The following SVEP1 variants were observed in gnomAD, a reference collection of about 807,000 sequenced individuals.
SVEP1 encodes the protein sushi, von Willebrand factor type A, EGF and pentraxin domain containing 1.
In SVEP1, 164 loss-of-function variants were observed where a neutral mutation model predicts 367.3. The observed-to-expected ratio is 0.45, with a 90% CI of 0.39 to 0.51. SVEP1 has a LOEUF of 0.51. Among genes scored for constraint, SVEP1 ranks in the 20% least tolerant of loss-of-function variants. The pLI, the probability that SVEP1 is intolerant of heterozygous loss-of-function variation, is 0.00. For synonymous variants in SVEP1, 1,666 were observed against 1,611.6 expected (o/e 1.03, Z -0.81); for missense variants, 4,117 against 4,425.3 (o/e 0.93, Z 1.98).
intron 18 of SVEP1, among the ~76,000 whole-genome samples, chr9:110,465,607 T>C (rs1012951692): frequency 6.6e-6 from 1 of 152,224 alleles, no homozygotes; most frequent in African/African-American, 2.4e-5. Flanking sequence ...TGTTTATTAC[T>C]GTATGAGGCC....
intron 3 of SVEP1, among the ~76,000 whole-genome samples, chr9:110,533,100 C>G (rs193167438): frequency 1.5e-3 from 235 of 152,212 alleles, no homozygotes; most frequent in African/African-American, 5.4e-3. Flanking sequence ...TGCCGCTGAT[C>G]TGACAGGAGG....
chr9:110,385,144 C>CTAATTTTTGTATT (rs1263564651), intron 43 of SVEP1, among the ~76,000 whole-genome samples: 2 of 152,268 alleles, frequency 1.3e-5, no homozygotes, highest in East Asian at 3.9e-4. Context: ...CCACACCCAG[C>CTAATTTTTGTATT]TAATTTTTGT....
chr9:110,376,294 C>A (rs58798972), intron 45 of SVEP1, among the ~76,000 whole-genome samples: 5 of 148,242 alleles, frequency 3.4e-5, no homozygotes, highest in African/African-American at 1.2e-4. Context: ...GGCAGCCAAG[C>A]CAGACCTGTC....
At chr9:110,538,107 G>T (rs1393898076) in intron 3 of SVEP1, among the ~76,000 whole-genome samples, 1 of 151,900 alleles carries the variant, frequency 6.6e-6, no homozygotes, top group Admixed American at 6.6e-5. Flanking sequence ...GGGGGTTTGT[G>T]ATGCTTCACA....
chr9:110,454,853 C>T (rs910124010), intron 22 of SVEP1, among the ~76,000 whole-genome samples: 1 of 152,148 alleles, frequency 6.6e-6, no homozygotes, highest in Non-Finnish European at 1.5e-5. Context: ...ATATTAGGTA[C>T]TATTCTCACT....
At chr9:110,411,806 AT>A in intron 36 of SVEP1, 71 bp from the exon 37 acceptor site, 1 of 1,346,124 alleles carries the variant, frequency 7.4e-7, no homozygotes, top group Non-Finnish European at 9.9e-7. Context: ...GTCTTCTTCT[AT>A]TTTTTAAATC....
chr9:110,573,766 C>T (rs1830593070), intron 1 of SVEP1, among the ~76,000 whole-genome samples: 1 of 152,042 alleles, frequency 6.6e-6, no homozygotes, highest in African/African-American at 2.4e-5. Context: ...GGAAGAAAAA[C>T]CAAGAAAAAG....
At chr9:110,385,353 G>T (rs2118960863) in intron 43 of SVEP1, among the ~76,000 whole-genome samples, 1 of 152,332 alleles carries the variant, frequency 6.6e-6, no homozygotes, top group Middle Eastern at 3.4e-3. Context: ...GGCTGAAAAA[G>T]ATGCCTCCAG....
chr9:110,500,325 C>A (rs1169451114), intron 6 of SVEP1, among the ~76,000 whole-genome samples: 2 of 152,130 alleles, frequency 1.3e-5, no homozygotes, highest in African/African-American at 4.8e-5. Flanking sequence ...GACTCAGTAT[C>A]CTTTATTTAC....
intron 36 of SVEP1, among the ~76,000 whole-genome samples, chr9:110,413,033 A>C (rs1417199028): frequency 2.6e-5 from 4 of 151,516 alleles, no homozygotes; most frequent in African/African-American, 9.7e-5. Flanking sequence ...CAGCAATCCC[A>C]TTACTGGGTA....
intron 47 of SVEP1, among the ~76,000 whole-genome samples, chr9:110,368,031 T>C (rs1052784909): frequency 7.2e-5 from 11 of 152,084 alleles, no homozygotes; most frequent in Non-Finnish European, 7.4e-5. Flanking sequence ...TAAGCCGAGA[T>C]TGCACACTGC....
chr9:110,461,625 C>T (rs1327380360), intron 18 of SVEP1, among the ~76,000 whole-genome samples: 2 of 151,810 alleles, frequency 1.3e-5, no homozygotes, highest in Admixed American at 6.6e-5. Context: ...GTGATAATCT[C>T]AAGACATGTA....
intron 40 of SVEP1, among the ~76,000 whole-genome samples, chr9:110,396,394 T>C (rs370439815): frequency 6.6e-5 from 10 of 150,902 alleles, no homozygotes; most frequent in African/African-American, 1.7e-4. Context: ...CAAGAGAAAG[T>C]AGGAAAGATC....
In SVEP1 at chr9:110,499,035, A is replaced by C. The variant is rs1214491436; in HGVS notation, c.1681+6T>G. The C allele has an allele frequency of 1.1e-5, 18 of 1,611,874 alleles. No homozygotes were observed. The highest frequency in any genetic ancestry group is 1.4e-5 in the Non-Finnish European group (16 of 1,178,856). ...GATTTTTAGCCTGACTAGTGTAGAG[A>C]CCTACCTTTACACACAGCTGCCTGA... is the stretch of plus-strand genomic sequence containing the variant. On this transcript the variant is annotated splice_donor_region_variant and intron_variant, in intron 7 of 47. Transcript: ENST00000374469.
chr9:110,563,813 C>A (rs1342970734), intron 1 of SVEP1, among the ~76,000 whole-genome samples: 1 of 152,168 alleles, frequency 6.6e-6, no homozygotes, highest in Non-Finnish European at 1.5e-5. Context: ...CTTTGTATAT[C>A]TTCTTCATTC....
chr9:110,375,283 TC>T (rs1827332654), intron 46 of SVEP1, 84 bp downstream of exon 46: 1 of 670,344 alleles, frequency 1.5e-6, no homozygotes, highest in Non-Finnish European at 2.2e-6. Flanking sequence ...TGCCACCACT[TC>T]TGAGTCTAAG....
intron 3 of SVEP1, among the ~76,000 whole-genome samples, chr9:110,528,152 G>A (rs199716875): frequency 0.032 from 708 of 21,942 alleles, 7 homozygotes; most frequent in East Asian, 0.038. Context: ...GTGTGTGTGT[G>A]TGTGTATATA....
At chr9:110,444,365 C>T (rs923495314) in intron 26 of SVEP1, among the ~76,000 whole-genome samples, 9 of 111,252 alleles carry the variant, frequency 8.1e-5, no homozygotes, top group Admixed American at 4.1e-4. Context: ...AGTAGGGCCT[C>T]CCCAGACACT....
At chr9:110,564,450 T>C (rs1313185523) in intron 1 of SVEP1, among the ~76,000 whole-genome samples, 1 of 152,180 alleles carries the variant, frequency 6.6e-6, no homozygotes, top group African/African-American at 2.4e-5. Context: ...AAGCCAACTC[T>C]GGAACGCTTG....
Sources: gnomAD v4.1 joint callset for allele counts (sites outside exome capture counted in the v4.1 genomes callset) on GRCh38, gnomAD v4.1.1 for gene constraint, MANE v1.5 for transcripts, NCBI Gene and HGNC (gene_info 2026-07-23, HGNC 2026-07-21) for gene names.